Variants in GRIN2B observed in about 807,000 individuals in gnomAD.
GRIN2B encodes the protein glutamate ionotropic receptor NMDA type subunit 2B, also known as glutamate receptor ionotropic, NMDA 2B.
In GRIN2B, 5 loss-of-function variants were observed where a neutral mutation model predicts 114.5. The ratio of observed to expected loss-of-function variants is 0.04; its 90% CI spans 0.02 to 0.09. The LOEUF is 0.09. Among genes scored for constraint, GRIN2B ranks in the 10% least tolerant of loss-of-function variants. The pLI is 1.00. For synonymous variants in GRIN2B, 787 were observed against 745.1 expected, an observed-to-expected ratio of 1.06 and a Z score of -0.92; for missense variants, 1,108 against 1,943.5, an observed-to-expected ratio of 0.57 and a Z score of 8.08.
intron 4 of GRIN2B, among the ~76,000 whole-genome samples, chr12:13,720,525 A>G (rs185350540): frequency 6.6e-6 from 1 of 152,224 alleles, no homozygotes; most frequent in Non-Finnish European, 1.5e-5. Context: ...AGTCTGTCAA[A>G]AAACATGAAC....
In GRIN2B at chr12:13,545,247, C is replaced by T. The variant is rs1948328369; in HGVS notation, c.*17536G>A. On this transcript the variant is annotated 3_prime_UTR_variant, in exon 14 of 14. Coordinates refer to ENST00000609686, the MANE Select transcript of GRIN2B (RefSeq NM_000834.5). ...ATCTTTGCTTACTCAAAAATAGCAACCCCACACCCATCCTATCATCTATCC... is the reference window on the plus strand; with the variant it reads ...ATCTTTGCTTACTCAAAAATAGCAATCCCACACCCATCCTATCATCTATCC... 6.6e-6 allele frequency: 1 copy of T among 152,190 alleles called. No homozygotes were observed. The highest frequency in any genetic ancestry group is 1.5e-5 in the Non-Finnish European group (1 of 68,048). 9.4% of individuals were successfully genotyped at this position (152,190 alleles called of 1,614,324 possible). A position where few individuals can be genotyped will look rare whatever the true frequency, so the allele number is the denominator to read the frequency against.
intron 3 of GRIN2B, among the ~76,000 whole-genome samples, chr12:13,785,557 T>C (rs564521338): frequency 2.0e-5 from 3 of 152,302 alleles, no homozygotes; most frequent in Non-Finnish European, 2.9e-5. Context: ...GCTTGTTTCA[T>C]GTGCTTGCAA....
intron 2 of GRIN2B, among the ~76,000 whole-genome samples, chr12:13,917,416 C>T (rs1422154297): frequency 1.3e-5 from 2 of 151,974 alleles, no homozygotes; most frequent in Non-Finnish European, 2.9e-5. Flanking sequence ...CTGGGTGGGC[C>T]GGCTGTATTG....
At chr12:13,625,801 C>T (rs541043674) in intron 5 of GRIN2B, among the ~76,000 whole-genome samples, 1 of 152,222 alleles carries the variant, frequency 6.6e-6, no homozygotes, top group East Asian at 1.9e-4. Context: ...ATGCCAGTAC[C>T]CTTCTGAATT....
At chr12:13,816,037 T>C (rs1367330854) in intron 3 of GRIN2B, among the ~76,000 whole-genome samples, 1 of 152,202 alleles carries the variant, frequency 6.6e-6, no homozygotes, top group Non-Finnish European at 1.5e-5. Flanking sequence ...AGAGATATAC[T>C]TGAGAGGCAT....
At chr12:13,580,446 C>CT (rs1361691656) in intron 10 of GRIN2B, among the ~76,000 whole-genome samples, 1 of 152,226 alleles carries the variant, frequency 6.6e-6, no homozygotes, top group Non-Finnish European at 1.5e-5. Context: ...CAAAGCTTGA[C>CT]AATCCTACAC....
At chr12:13,602,356 T>A (rs150295775) in intron 10 of GRIN2B, among the ~76,000 whole-genome samples, 1 of 152,332 alleles carries the variant, frequency 6.6e-6, no homozygotes, top group African/African-American at 2.4e-5. Context: ...TGGTCATGAC[T>A]GCTACTTTCT....
intron 10 of GRIN2B, among the ~76,000 whole-genome samples, chr12:13,581,570 G>C (rs1948849944): frequency 6.6e-6 from 1 of 152,194 alleles, no homozygotes; most frequent in Non-Finnish European, 1.5e-5. Context: ...TGGCCCATAA[G>C]TGCTTGGGAC....
At chr12:13,683,759 G>T (rs1950152272) in intron 4 of GRIN2B, 1 of 152,182 alleles carries the variant, frequency 6.6e-6, no homozygotes, top group Non-Finnish European at 1.5e-5. Flanking sequence ...TTCCATTCTA[G>T]AACCTCCAAA....
Position 13,548,567 on chromosome 12 carries a change from T to G in GRIN2B, c.*14216A>C, listed in dbSNP as rs1348565069. 2 of 151,522 alleles carry G rather than the reference T, an allele frequency of 1.3e-5. No homozygotes were observed. The allele number at this position is 151,522 out of a possible 1,614,324, so 9.4% of individuals were successfully genotyped here. The stretch of plus-strand genomic sequence containing the variant: ...GATGCTCCAAATACTCATCAGCTGT[T>G]GGCCCTGTGACCTGTTTTTCAGGAT... On this transcript the variant is annotated 3_prime_UTR_variant, in exon 14 of 14. Coordinates refer to ENST00000609686, the MANE Select transcript of GRIN2B (RefSeq NM_000834.5).
chr12:13,650,633 A>C (rs773793403), intron 5 of GRIN2B, among the ~76,000 whole-genome samples: 1 of 152,082 alleles, frequency 6.6e-6, no homozygotes, highest in Non-Finnish European at 1.5e-5. Context: ...CACCTCATTC[A>C]GTTCAGTAAC....
chr12:13,696,433 T>C (rs557475909), intron 4 of GRIN2B, among the ~76,000 whole-genome samples: 1 of 152,288 alleles, frequency 6.6e-6, no homozygotes, highest in East Asian at 1.9e-4. Flanking sequence ...AGATGATTGC[T>C]TCAGTAATTA....
chr12:13,635,313 C>T (rs1226334942), intron 5 of GRIN2B, among the ~76,000 whole-genome samples: 1 of 152,106 alleles, frequency 6.6e-6, no homozygotes, highest in African/African-American at 2.4e-5. Context: ...TTGATGTTTT[C>T]CTGTTTTCTA....
intron 4 of GRIN2B, among the ~76,000 whole-genome samples, chr12:13,717,784 G>A (rs1288168519): frequency 6.6e-6 from 1 of 151,986 alleles, no homozygotes; most frequent in Non-Finnish European, 1.5e-5. Context: ...GGCACAGTCT[G>A]GGTGATCCAA....
intron 10 of GRIN2B, among the ~76,000 whole-genome samples, chr12:13,584,053 C>A (rs1458396988): frequency 6.6e-6 from 1 of 152,120 alleles, no homozygotes; most frequent in Non-Finnish European, 1.5e-5. Context: ...TTGACTGAAT[C>A]CAAGTCTGCC....
At chr12:13,691,056 G>C (rs866164881) in intron 4 of GRIN2B, among the ~76,000 whole-genome samples, 3 of 152,090 alleles carry the variant, frequency 2.0e-5, no homozygotes, top group South Asian at 2.1e-4. Context: ...AATATCCTCA[G>C]TGGAGAAGAG....
At chr12:13,826,487 T>G (rs1379956719) in intron 3 of GRIN2B, among the ~76,000 whole-genome samples, 2 of 151,980 alleles carry the variant, frequency 1.3e-5, no homozygotes, top group African/African-American at 4.8e-5. Context: ...AAATAAATAA[T>G]ATTTTGCCAC....
intron 2 of GRIN2B, among the ~76,000 whole-genome samples, chr12:13,933,401 TA>T (rs1357283308): frequency 2.6e-5 from 4 of 152,230 alleles, no homozygotes; most frequent in Non-Finnish European, 1.5e-5. Context: ...CCAAGACTGG[TA>T]GATTAATTTA....
At chr12:13,815,468 T>C (rs1190701887) in intron 3 of GRIN2B, among the ~76,000 whole-genome samples, 1 of 151,494 alleles carries the variant, frequency 6.6e-6, no homozygotes, top group Non-Finnish European at 1.5e-5. Context: ...GAGCAGAAAA[T>C]GATTTAAAAT....
Sources: allele counts gnomAD v4.1 joint callset (sites outside exome capture counted in the v4.1 genomes callset), GRCh38; gene constraint gnomAD v4.1.1; transcripts MANE v1.5; gene names NCBI Gene and HGNC (gene_info 2026-07-23, HGNC 2026-07-21).